Variants in LRRC4C observed in about 807,000 individuals in gnomAD.
The protein encoded by LRRC4C is leucine rich repeat containing 4C.
Under a neutral mutation model 33.6 loss-of-function variants are expected in LRRC4C, and 5 were observed. That is an observed-to-expected ratio of 0.15 (90% confidence interval 0.08 to 0.31). LRRC4C has a LOEUF of 0.31. Ranked by LOEUF, LRRC4C falls within the 10% of genes least tolerant of loss-of-function variation. The pLI is 1.00. For missense variants in LRRC4C, 560 were observed against 796.7 expected (o/e 0.70, Z 3.58); for synonymous variants, 329 against 302.0 (o/e 1.09, Z -0.93).
intron 2 of LRRC4C, among the ~76,000 whole-genome samples, chr11:40,691,968 G>A (rs1945238741): frequency 6.6e-6 from 1 of 152,024 alleles, no homozygotes; most frequent in African/African-American, 2.4e-5. Context: ...ATGAAGATAA[G>A]ACAGAAATCT....
chr11:41,154,082 T>C (rs1048054559), intron 1 of LRRC4C, among the ~76,000 whole-genome samples: 6 of 152,192 alleles, frequency 3.9e-5, no homozygotes, highest in African/African-American at 1.4e-4. Context: ...TTTGGACTTC[T>C]GGCCTCCAGA....
At chr11:40,395,034 C>G (rs1949485875) in intron 3 of LRRC4C, among the ~76,000 whole-genome samples, 1 of 151,940 alleles carries the variant, frequency 6.6e-6, no homozygotes, top group Admixed American at 6.6e-5. Context: ...GTGATCAAGT[C>G]TATAATTATA....
At chr11:40,635,723 G>A (rs897639812) in intron 3 of LRRC4C, among the ~76,000 whole-genome samples, 3 of 130,928 alleles carry the variant, frequency 2.3e-5, no homozygotes, top group African/African-American at 2.9e-5. Context: ...TGCAAGCTCC[G>A]CCTCCCGGGT....
Position 40,637,228 on chromosome 11 carries a change from T to G in LRRC4C, c.-270+10914A>C, listed in dbSNP as rs184065564. 1.5e-3 allele frequency among the ~76,000 whole-genome samples: 234 copies of G among 152,306 alleles called. 1 individual carries two copies. The highest frequency in any genetic ancestry group is 5.5e-3 in the African/African-American group (227 of 41,560). On this transcript the variant is annotated intron_variant, in intron 3 of 6. Coordinates refer to ENST00000528697, the MANE Select transcript of LRRC4C (RefSeq NM_001258419.2). ...TACCACACATCTGCCTCTTCTAATATTTTAAGCTAATTAAAAAAAAATTAC... is the reference window on the plus strand; with the variant it reads ...TACCACACATCTGCCTCTTCTAATAGTTTAAGCTAATTAAAAAAAAATTAC...
chr11:40,150,815 A>G (rs1264248013), intron 5 of LRRC4C, among the ~76,000 whole-genome samples: 1 of 152,204 alleles, frequency 6.6e-6, no homozygotes, highest in East Asian at 1.9e-4. Flanking sequence ...TCAGTGATAC[A>G]TGAGAGAGAT....
chr11:40,623,885 C>T (rs1962690213), intron 3 of LRRC4C, among the ~76,000 whole-genome samples: 1 of 152,000 alleles, frequency 6.6e-6, no homozygotes, highest in Non-Finnish European at 1.5e-5. Context: ...TATAAACCCT[C>T]TACATTATAA....
chr11:40,451,424 T>C (rs1951880916), intron 3 of LRRC4C, among the ~76,000 whole-genome samples: 1 of 128,224 alleles, frequency 7.8e-6, no homozygotes, highest in Non-Finnish European at 1.6e-5. Flanking sequence ...CTCACTCTAT[T>C]GCCTGGGCCG....
chr11:40,547,687 C>A (rs1205722432), intron 3 of LRRC4C, among the ~76,000 whole-genome samples: 1 of 152,046 alleles, frequency 6.6e-6, no homozygotes, highest in Non-Finnish European at 1.5e-5. Context: ...AACTTAAACA[C>A]CCTATAGGAC....
At chr11:41,099,944 G>T in intron 1 of LRRC4C, among the ~76,000 whole-genome samples, 1 of 152,212 alleles carries the variant, frequency 6.6e-6, no homozygotes, top group Non-Finnish European at 1.5e-5. Context: ...AAACCCCATA[G>T]TCTGAGTGCA....
chr11:40,987,642 T>TATATATATG (rs1555029020), intron 1 of LRRC4C, among the ~76,000 whole-genome samples: 1 of 59,770 alleles, frequency 1.7e-5, no homozygotes, highest in Non-Finnish European at 3.3e-5. Context: ...TATATATATA[T>TATATATATG]ATATATATAT....
intron 5 of LRRC4C, among the ~76,000 whole-genome samples, chr11:40,218,118 T>C (rs187098768): frequency 1.5e-4 from 23 of 152,320 alleles, no homozygotes; most frequent in African/African-American, 5.3e-4. Flanking sequence ...TCTGAATACT[T>C]AAAATTTCCT....
intron 4 of LRRC4C, among the ~76,000 whole-genome samples, chr11:40,273,776 C>A (rs1164855873): frequency 6.6e-6 from 1 of 152,042 alleles, no homozygotes; most frequent in African/African-American, 2.4e-5. Flanking sequence ...TATGCTAAGG[C>A]AAAGAAGAAT....
At chr11:40,652,953 T>C (rs1006053407) in intron 2 of LRRC4C, among the ~76,000 whole-genome samples, 1 of 152,140 alleles carries the variant, frequency 6.6e-6, no homozygotes, top group Non-Finnish European at 1.5e-5. Context: ...TGCTAGTGAG[T>C]AAATTCTCAT....
chr11:40,406,382 A>T (rs1949965715), intron 3 of LRRC4C, among the ~76,000 whole-genome samples: 3 of 152,134 alleles, frequency 2.0e-5, no homozygotes, highest in South Asian at 4.1e-4. Context: ...AGCACAAAGC[A>T]TGTTATTTTG....
chr11:40,182,925 A>G (rs1048268516), intron 5 of LRRC4C, among the ~76,000 whole-genome samples: 1 of 151,996 alleles, frequency 6.6e-6, no homozygotes, highest in Admixed American at 6.6e-5. Context: ...TACTATTATC[A>G]CTCTCATTTT....
In LRRC4C at chr11:40,319,622, A is replaced by G. The variant is rs1945743510; in HGVS notation, c.-176+6T>C. ...AAAGAATAGATTAGTGGTATTTGGA[A>G]CTTACCTTAGTAAAATTTCTCCAAC... On this transcript the variant is annotated splice_donor_region_variant and intron_variant, in intron 4 of 6. Transcript: ENST00000528697. 6.6e-6 allele frequency: 1 copy of G among 152,162 alleles called. No individual in the cohort carries two copies. The highest frequency in any genetic ancestry group is 2.4e-5 in the African/African-American group (1 of 41,436). 9.4% of individuals were successfully genotyped at this position (152,162 alleles called of 1,614,324 possible). A position where few individuals can be genotyped will look rare whatever the true frequency, so the allele number is the denominator to read the frequency against.
chr11:41,237,298 T>C (rs1223554726), intron 1 of LRRC4C, among the ~76,000 whole-genome samples: 1 of 152,202 alleles, frequency 6.6e-6, no homozygotes, highest in Non-Finnish European at 1.5e-5. Context: ...CTTAAGTATC[T>C]GTCGTTGTCA....
chr11:41,458,623 A>C (rs961107864), intron 1 of LRRC4C, among the ~76,000 whole-genome samples: 19 of 151,980 alleles, frequency 1.3e-4, no homozygotes, highest in African/African-American at 4.6e-4. Context: ...AAGATGTTTG[A>C]CTAAAGTCAC....
At chr11:41,394,174 C>A (rs1953713848) in intron 1 of LRRC4C, among the ~76,000 whole-genome samples, 2 of 151,916 alleles carry the variant, frequency 1.3e-5, no homozygotes, top group Non-Finnish European at 2.9e-5. Context: ...AAATGGAGTT[C>A]ATAATAGTGG....
Sources: allele counts gnomAD v4.1 joint callset (sites outside exome capture counted in the v4.1 genomes callset), GRCh38; gene constraint gnomAD v4.1.1; transcripts MANE v1.5; gene names NCBI Gene and HGNC (gene_info 2026-07-23, HGNC 2026-07-21).